SLC39A11: variants seen among roughly 807,000 people sequenced by gnomAD.
The protein encoded by SLC39A11 is zinc transporter ZIP11.
Under a neutral mutation model 36.1 loss-of-function variants are expected in SLC39A11, and 33 were observed. That is an observed-to-expected ratio of 0.91 (90% CI 0.69 to 1.22). The LOEUF (loss-of-function observed/expected upper bound fraction) is 1.22. Ranked by LOEUF, SLC39A11 falls within the 50% of genes most tolerant of loss-of-function variation. The pLI, the probability that SLC39A11 is intolerant of heterozygous loss-of-function variation, is 0.00. For missense variants in SLC39A11, 432 were observed against 430.3 expected, an observed-to-expected ratio of 1.00 and a Z score of -0.03; for synonymous variants, 166 against 170.3, an observed-to-expected ratio of 0.97 and a Z score of 0.20.
chr17:72,870,671 T>C (rs1278208147), intron 5 of SLC39A11, among the ~76,000 whole-genome samples: 1 of 152,254 alleles, frequency 6.6e-6, no homozygotes, highest in African/African-American at 2.4e-5. Context: ...TTGTGGCCAA[T>C]TGGTAAGTAG....
chr17:72,896,817 G>A (rs905913278), intron 5 of SLC39A11, among the ~76,000 whole-genome samples: 20 of 151,812 alleles, frequency 1.3e-4, no homozygotes, highest in African/African-American at 4.6e-4. Flanking sequence ...TGGGGAGGCC[G>A]AGTCAGGCGG....
intron 6 of SLC39A11, among the ~76,000 whole-genome samples, chr17:72,834,734 CTT>C (rs2145766731): frequency 6.6e-6 from 1 of 152,306 alleles, no homozygotes; most frequent in African/African-American, 2.4e-5. Context: ...TTATTGGAAA[CTT>C]TGCTTCCTAA....
At chr17:73,061,514 T>A (rs1206543125) in intron 3 of SLC39A11, among the ~76,000 whole-genome samples, 1 of 152,190 alleles carries the variant, frequency 6.6e-6, no homozygotes, top group Non-Finnish European at 1.5e-5. Context: ...AGAAGCTGAA[T>A]GAACTCCCTA....
chr17:73,023,834 G>T, intron 4 of SLC39A11, among the ~76,000 whole-genome samples: 1 of 152,140 alleles, frequency 6.6e-6, no homozygotes, highest in East Asian at 1.9e-4. Context: ...TGTGGCTGGT[G>T]TCTTCATGGA....
At chr17:72,985,756 G>T (rs1432067583) in intron 4 of SLC39A11, among the ~76,000 whole-genome samples, 2 of 152,100 alleles carry the variant, frequency 1.3e-5, no homozygotes, top group Non-Finnish European at 2.9e-5. Context: ...TAATCTTCCT[G>T]CAATCGATGC....
intron 6 of SLC39A11, among the ~76,000 whole-genome samples, chr17:72,742,443 A>T (rs1037995484): frequency 1.3e-5 from 2 of 152,154 alleles, no homozygotes; most frequent in African/African-American, 4.8e-5. Context: ...TCCAGGATTT[A>T]CAAGCCTGCT....
At chr17:73,074,947 T>A (rs1305158971) in intron 3 of SLC39A11, among the ~76,000 whole-genome samples, 3 of 152,200 alleles carry the variant, frequency 2.0e-5, no homozygotes, top group Non-Finnish European at 4.4e-5. Context: ...GCTTCTTCCT[T>A]GATAGAATAT....
intron 5 of SLC39A11, among the ~76,000 whole-genome samples, chr17:72,900,002 GAAAGAGAGAGAGAGAGAA>G (rs1339572667): frequency 2.4e-5 from 3 of 125,134 alleles, no homozygotes; most frequent in African/African-American, 8.1e-5. Flanking sequence ...GAGAGAGAGA[GAAAGAGAGAGAGAGAGAA>G]AGAGAGAGAG....
At chr17:73,082,010 G>GT (rs1317666154) in intron 3 of SLC39A11, among the ~76,000 whole-genome samples, 5 of 149,270 alleles carry the variant, frequency 3.3e-5, no homozygotes, top group Admixed American at 6.8e-5. Flanking sequence ...ATTGGGGACA[G>GT]TGTACATTGC....
chr17:72,735,173 C>T (rs539503551), intron 7 of SLC39A11, among the ~76,000 whole-genome samples: 2 of 152,270 alleles, frequency 1.3e-5, no homozygotes, highest in South Asian at 2.1e-4. Flanking sequence ...AGAAAAGTTT[C>T]GCCCTGGAAC....
intron 6 of SLC39A11, chr17:72,839,326 A>T (rs1428375659): frequency 1.3e-5 from 2 of 152,174 alleles, no homozygotes; most frequent in Non-Finnish European, 2.9e-5. Flanking sequence ...TGTGAATGTT[A>T]CCTTTCATGA....
At chr17:73,078,107 G>A (rs1382717978) in intron 3 of SLC39A11, among the ~76,000 whole-genome samples, 3 of 151,844 alleles carry the variant, frequency 2.0e-5, no homozygotes, top group Non-Finnish European at 2.9e-5. Context: ...GTGTGGTGGC[G>A]TGCACCTGTA....
At chr17:72,715,108 G>T (rs2073294654) in intron 7 of SLC39A11, among the ~76,000 whole-genome samples, 1 of 152,152 alleles carries the variant, frequency 6.6e-6, no homozygotes, top group Non-Finnish European at 1.5e-5. Context: ...GGAGGTAAGG[G>T]TTGGCTGCAT....
intron 7 of SLC39A11, among the ~76,000 whole-genome samples, chr17:72,702,689 C>G (rs1475048780): frequency 6.6e-6 from 1 of 151,994 alleles, no homozygotes; most frequent in Non-Finnish European, 1.5e-5. Context: ...GTAATCCCAA[C>G]ACTTTGGGAG....
At chr17:72,669,211 G>A (rs933993390) in intron 7 of SLC39A11, among the ~76,000 whole-genome samples, 2 of 152,168 alleles carry the variant, frequency 1.3e-5, no homozygotes, top group African/African-American at 4.8e-5. Context: ...GAAAATGTAC[G>A]TAACTGTAAG....
chr17:72,915,198 T>C (rs1176822874), intron 5 of SLC39A11, among the ~76,000 whole-genome samples: 1 of 152,084 alleles, frequency 6.6e-6, no homozygotes, highest in Non-Finnish European at 1.5e-5. Flanking sequence ...AAACAGCTTA[T>C]TCTGAAGATG....
chr17:72,959,902 CA>C (rs1452592500), intron 4 of SLC39A11, among the ~76,000 whole-genome samples: 1 of 152,186 alleles, frequency 6.6e-6, no homozygotes, highest in Non-Finnish European at 1.5e-5. Flanking sequence ...TCTTAAACCA[CA>C]ATTTCCCAGA....
chr17:73,059,633 C>T (rs563348133), intron 3 of SLC39A11, among the ~76,000 whole-genome samples: 6 of 138,772 alleles, frequency 4.3e-5, no homozygotes, highest in South Asian at 2.3e-4. Context: ...CCAGCCTGGG[C>T]GACAAGACTG....
chr17:73,030,717 C>T (rs200634079), intron 4 of SLC39A11, among the ~76,000 whole-genome samples: 2 of 152,336 alleles, frequency 1.3e-5, no homozygotes, highest in East Asian at 3.9e-4. Flanking sequence ...GTAAGGCTGT[C>T]TCATGCTGTT....
Sources: gnomAD v4.1 joint callset for allele counts (sites outside exome capture counted in the v4.1 genomes callset) on GRCh38, gnomAD v4.1.1 for gene constraint, MANE v1.5 for transcripts, NCBI Gene and HGNC (gene_info 2026-07-23, HGNC 2026-07-21) for gene names.